Variants in ITIH1 observed in about 807,000 individuals in gnomAD.
ITIH1 encodes the protein inter-alpha-trypsin inhibitor heavy chain 1.
ITIH1 carries 94 observed loss-of-function variants against 104.6 expected under a neutral mutation model. The observed-to-expected ratio is 0.90, with a 90% CI of 0.76 to 1.07. ITIH1 has a LOEUF of 1.07. Among genes scored for constraint, ITIH1 ranks in the 50% least tolerant of loss-of-function variants. ITIH1 has a pLI of 0.00. For missense variants in ITIH1, 1,193 were observed against 1,181.4 expected (o/e 1.01, Z -0.14); for synonymous variants, 455 against 464.4 (o/e 0.98, Z 0.26).
In ITIH1 at chr3:52,785,075, T is replaced by A; in HGVS notation, c.1439T>A (p.Leu480Gln). The change falls in exon 12 of 22, where the codon CTG (leucine) becomes CAG (glutamine). Residue 480 changes from leucine (L) to glutamine (Q), a missense_variant. Coordinates refer to ENST00000273283, the MANE Select transcript of ITIH1 (RefSeq NM_002215.4). Reference sequence around the variant, plus strand: ...TACAGCCAGGTAGCCAAACCCCTGCTGGTGGATGTGGATTTGCAGTACCCC... The same window carrying A: ...TACAGCCAGGTAGCCAAACCCCTGCAGGTGGATGTGGATTTGCAGTACCCC... Reference protein sequence around the residue: ...GFYSQVAKPLLVDVDLQYPQD... With the variant: ...GFYSQVAKPLQVDVDLQYPQD... 1 of 1,614,100 alleles carries A rather than the reference T, an allele frequency of 6.2e-7. No individual in the cohort carries two copies. Among genetic ancestry groups the A allele is most frequent in the Non-Finnish European group, 8.5e-7 (1 of 1,179,988 alleles).
chr3:52,786,494 T>G, intron 13 of ITIH1, 60 bp downstream of exon 13: 1 of 1,497,962 alleles, frequency 6.7e-7, no homozygotes, highest in African/African-American at 1.4e-5. Flanking sequence ...CCCCACCCCT[T>G]GGAGGTGAGC....
Position 52,783,134 on chromosome 3 carries a change from G to A in ITIH1, c.1099+9G>A, listed in dbSNP as rs368974018. On this transcript the variant is annotated intron_variant, in intron 9 of 21. Transcript: ENST00000273283. ...CTTTTCCCTGGATGAGGGTAAGGGT[G>A]GGGGTCTCAGGCAACCTTGATGTCA... 2.2e-6 allele frequency: 3 copies of A among 1,368,360 alleles called. No individual in the cohort carries two copies. The highest frequency in any genetic ancestry group is 3.1e-6 in the Non-Finnish European group (3 of 974,872). 84.8% of individuals were successfully genotyped at this position (1,368,360 alleles called of 1,614,324 possible).
intron 5 of ITIH1, chr3:52,780,001 T>A: frequency 7.2e-7 from 1 of 1,388,444 alleles, no homozygotes; most frequent in Non-Finnish European, 9.4e-7. Flanking sequence ...ATTTTTGGAG[T>A]GCCTACTGAG....
rs1338238703 is a variant in ITIH1, at chr3:52,779,001, A to G, written c.365A>G (p.Gln122Arg). Reference sequence around the variant, plus strand: ...AAGGACAAGGTGACTGCATGGAAGCAGTACCGGAAAGCAGCTATCTCAGGA... The same window carrying G: ...AAGGACAAGGTGACTGCATGGAAGCGGTACCGGAAAGCAGCTATCTCAGGA... ...DIKDKVTAWKQYRKAAISGEN... is the reference protein window; with the variant it reads ...DIKDKVTAWKRYRKAAISGEN... The change falls in exon 4 of 22, where the codon CAG (glutamine) becomes CGG (arginine). Residue 122 changes from glutamine to arginine, a missense_variant. Coordinates refer to ENST00000273283, the MANE Select transcript of ITIH1 (RefSeq NM_002215.4). This position sits in a 1 kb window ranked among gnomAD's most constrained non-coding sequence, Gnocchi z 4.4. The G allele has an allele frequency of 1.2e-6, 2 of 1,614,148 alleles. No homozygotes were observed. The highest frequency in any genetic ancestry group is 1.7e-6 in the Non-Finnish European group (2 of 1,179,948).
In ITIH1 at chr3:52,785,920, G is replaced by A. The variant is rs1699184781; in HGVS notation, c.1594-375G>A. On this transcript the variant is annotated intron_variant, in intron 12 of 21. Transcript: ENST00000273283. ...CTTGGGAAGTGGTGCCCCGGTTAAT[G>A]TAGCTGGATGGAGGAGGCACATTTG... 2.0e-5 allele frequency among the ~76,000 whole-genome samples: 3 copies of A among 152,252 alleles called. No individual in the cohort carries two copies. The South Asian group carries it at 6.2e-4, about 32-fold the overall frequency.
At position 52,784,351 on chromosome 3, in the gene ITIH1, G is replaced by T. The variant is rs775524307; in HGVS notation, c.1281G>T (p.Arg427Ser). The change falls in exon 11 of 22, where the codon AGG becomes AGT. Residue 427 changes from arginine (R) to serine (S), a missense_variant. Physicochemically the swap from Arg to Ser is moderately radical, Grantham distance 110. Coordinates refer to ENST00000273283, the MANE Select transcript of ITIH1 (RefSeq NM_002215.4). ...LKNVRNAIRG[R>S]FPLYNLGFGH... ...ACGTCCGCAACGCCATCCGGGGCAG[G>T]TTCCCGCTCTACAACCTGGGTTTCG... The T allele has an allele frequency of 2.5e-6, 4 of 1,614,158 alleles. No homozygotes were observed. Among genetic ancestry groups the T allele is most frequent in the Admixed American group, 1.7e-5 (1 of 60,024 alleles).
At chr3:52,782,289 C>T in intron 8 of ITIH1, 22 bp downstream of exon 8, 1 of 1,574,722 alleles carries the variant, frequency 6.4e-7, no homozygotes, top group Non-Finnish European at 8.7e-7. Context: ...CTTGAAACAG[C>T]TCACCCAGCA....
At chr3:52,784,222 T>C in intron 10 of ITIH1, 74 bp from the exon 11 acceptor site, 1 of 1,341,758 alleles carries the variant, frequency 7.5e-7, no homozygotes, top group Non-Finnish European at 1.0e-6. Flanking sequence ...CCAGGGAGTG[T>C]TCCCCAGAGC....
chr3:52,785,733 G>A (rs1699180969), intron 12 of ITIH1, among the ~76,000 whole-genome samples: 1 of 152,208 alleles, frequency 6.6e-6, no homozygotes, highest in Non-Finnish European at 1.5e-5. Context: ...GAGTTGAGCT[G>A]GACCTTGGCT....
At chr3:52,787,565 T>C (rs1395073041) in intron 15 of ITIH1, 27 bp from the exon 16 acceptor site, 2 of 1,613,984 alleles carry the variant, frequency 1.2e-6, no homozygotes, top group African/African-American at 2.7e-5. Flanking sequence ...GACACTGTCT[T>C]CGATAATATG....
rs1250367009 is a variant in ITIH1, at chr3:52,787,027, C to G, written c.1816C>G (p.Leu606Val). The change falls in exon 14 of 22, where the codon CTG becomes GTG. Residue 606 changes from leucine (L) to valine (V), a missense_variant. Transcript: ENST00000273283. ...GCTGGACTATGGGTTTGTGACCCCACTGACCTCCATGAGCATCAGGGGCAT... is the reference window on the plus strand; with the variant it reads ...GCTGGACTATGGGTTTGTGACCCCAGTGACCTCCATGAGCATCAGGGGCAT... The part of the protein sequence containing the change: ...MSLDYGFVTP[L>V]TSMSIRGMAD... 2 of 1,614,182 alleles carry G rather than the reference C, an allele frequency of 1.2e-6. No individual in the cohort carries two copies. Among genetic ancestry groups the G allele is most frequent in the Non-Finnish European group, 8.5e-7 (1 of 1,180,002 alleles).
At chr3:52,788,194 C>T (rs777730995) in intron 17 of ITIH1, 38 bp from the exon 18 acceptor site, 143 of 1,547,722 alleles carry the variant, frequency 9.2e-5, no homozygotes, top group African/African-American at 3.9e-4. Context: ...CCCATCTGCC[C>T]GATGTCCAAT....
At position 52,784,307 on chromosome 3, in the gene ITIH1, C is replaced by T. The variant is rs141962026; in HGVS notation, c.1237C>T (p.Arg413Cys). The change falls in exon 11 of 22, where the codon CGT (arginine) becomes TGT (cysteine). Residue 413 changes from arginine to cysteine, a missense_variant. Physicochemically the swap from Arg to Cys is radical, Grantham distance 180. Transcript: ENST00000273283. The part of the protein sequence containing the change: ...DGDPTEGVTD[R>C]SQILKNVRNA... Reference sequence around the variant, plus strand: ...TGTGTGGCTTGCAGGGGTGACGGACCGTTCCCAAATCCTCAAGAACGTCCG... The same window carrying T: ...TGTGTGGCTTGCAGGGGTGACGGACTGTTCCCAAATCCTCAAGAACGTCCG... 92 of 1,613,254 alleles carry T rather than the reference C, an allele frequency of 5.7e-5. No individual in the cohort carries two copies. In the African/African-American group the frequency reaches 8.8e-4, roughly 15 times the overall value.
Position 52,783,348 on chromosome 3 carries a change from C to T in ITIH1, c.1225+9C>T. 1 of 1,613,296 alleles carries T rather than the reference C, an allele frequency of 6.2e-7. No homozygotes were observed. The highest frequency in any genetic ancestry group is 8.5e-7 in the Non-Finnish European group (1 of 1,179,848). ...TGGCGATCCCACAGAGGGTAAGCAC[C>T]TTGGGGGCTGCCTTGGGAGGTAGTG... On this transcript the variant is annotated intron_variant, in intron 10 of 21. Transcript: ENST00000273283.
chr3:52,783,151 T>C (rs759871089), intron 9 of ITIH1, 26 bp downstream of exon 9: 2 of 1,602,042 alleles, frequency 1.2e-6, no homozygotes, highest in Non-Finnish European at 1.7e-6. Flanking sequence ...TCAGGCAACC[T>C]TGATGTCACC....
At chr3:52,780,025 G>C in intron 5 of ITIH1, 1 of 1,319,340 alleles carries the variant, frequency 7.6e-7, no homozygotes, top group Non-Finnish European at 1.0e-6. Context: ...CAGGCCCTGT[G>C]ATCAGGGCTG....
chr3:52,787,241 G>A (rs762969987), intron 15 of ITIH1, 39 bp downstream of exon 15: 26 of 1,613,020 alleles, frequency 1.6e-5, no homozygotes, highest in South Asian at 5.5e-5. Flanking sequence ...TCTGGGCTTC[G>A]GTAGCTGGGC....
rs1207678963 is a variant in ITIH1 at position 52,779,452 on chromosome 3, A to G, written c.431A>G (p.Glu144Gly). ...TCCAGGGCCTCGGGGAGAACTATGG[A>G]GCAATTCACCATCCACCTCACCGTC... is the stretch of plus-strand genomic sequence containing the variant. Reference protein sequence around the residue: ...GLVRASGRTMEQFTIHLTVNP... With the variant: ...GLVRASGRTMGQFTIHLTVNP... Residue 144 changes from glutamate to glycine, a missense_variant, in exon 5 of 22, where the codon GAG becomes GGG. Coordinates refer to ENST00000273283, the MANE Select transcript of ITIH1 (RefSeq NM_002215.4). The surrounding 1 kb of genome is among the most constrained non-coding windows in gnomAD (Gnocchi z 4.4). 16 of 1,614,088 alleles carry G rather than the reference A, an allele frequency of 9.9e-6. No individual in the cohort carries two copies. The highest frequency in any genetic ancestry group is 6.7e-5 in the East Asian group (3 of 44,892).
chr3:52,785,413 G>A (rs1053250328), intron 12 of ITIH1, among the ~76,000 whole-genome samples, 184 bp downstream of exon 12: 5 of 152,196 alleles, frequency 3.3e-5, no homozygotes, highest in African/African-American at 1.2e-4. Context: ...CTGGGGGCTG[G>A]ATTGGCTGGA....
Sources: allele counts gnomAD v4.1 joint callset (sites outside exome capture counted in the v4.1 genomes callset), GRCh38; gene constraint gnomAD v4.1.1; non-coding constraint Gnocchi (gnomAD v3.1); transcripts MANE v1.5; gene names NCBI Gene and HGNC (gene_info 2026-07-23, HGNC 2026-07-21).